The following DOCK3 variants were observed in gnomAD, a reference collection of about 807,000 sequenced individuals.
DOCK3 encodes the protein dedicator of cytokinesis 3.
A neutral mutation model predicts 265.6 loss-of-function variants in DOCK3; 60 were observed. The observed-to-expected ratio is 0.23, with a 90% confidence interval of 0.18 to 0.28. The LOEUF is 0.28. Among genes scored for constraint, DOCK3 ranks in the 10% least tolerant of loss-of-function variants. DOCK3 has a pLI of 1.00. For synonymous variants in DOCK3, 881 were observed against 938.0 expected, an observed-to-expected ratio of 0.94 and a Z score of 1.11; for missense variants, 1,981 against 2,594.3, an observed-to-expected ratio of 0.76 and a Z score of 5.14.
At chr3:50,752,792 C>T (rs527485343) in intron 1 of DOCK3, among the ~76,000 whole-genome samples, 7 of 152,222 alleles carry the variant, frequency 4.6e-5, no homozygotes, top group African/African-American at 1.4e-4. Flanking sequence ...AACAAACAAA[C>T]ACCCCTACTT....
intron 2 of DOCK3, among the ~76,000 whole-genome samples, chr3:50,833,704 T>G (rs1048401946): frequency 9.9e-5 from 15 of 152,196 alleles, no homozygotes; most frequent in Non-Finnish European, 2.1e-4. Flanking sequence ...CTTTTATTGC[T>G]CTACACGTCA....
At chr3:51,180,273 T>C (rs2087213434) in intron 12 of DOCK3, among the ~76,000 whole-genome samples, 1 of 150,836 alleles carries the variant, frequency 6.6e-6, no homozygotes, top group Non-Finnish European at 1.5e-5. Context: ...CAAACTTGAA[T>C]TTGAGATCAT....
At chr3:51,146,032 C>G (rs1007213702) in intron 9 of DOCK3, among the ~76,000 whole-genome samples, 22 of 152,204 alleles carry the variant, frequency 1.4e-4, no homozygotes, top group African/African-American at 4.8e-4. Context: ...ACCTGCTGCT[C>G]ACCTGCTGTG....
chr3:50,842,961 T>G (rs961932988), intron 3 of DOCK3, among the ~76,000 whole-genome samples: 2 of 152,224 alleles, frequency 1.3e-5, no homozygotes, highest in African/African-American at 4.8e-5. Flanking sequence ...CCCACTATCT[T>G]ATTTCCAATA....
At chr3:51,308,377 G>T (rs1328328187) in intron 27 of DOCK3, among the ~76,000 whole-genome samples, 2 of 151,750 alleles carry the variant, frequency 1.3e-5, no homozygotes, top group Non-Finnish European at 2.9e-5. Context: ...CTTCCGCAGT[G>T]TTTGTGTCCC....
chr3:50,725,878 G>A (rs1397292278), intron 1 of DOCK3, among the ~76,000 whole-genome samples: 1 of 152,004 alleles, frequency 6.6e-6, no homozygotes, highest in Non-Finnish European at 1.5e-5. Context: ...AATATTTGAA[G>A]GCATATACAG....
chr3:50,968,475 G>T (rs2077098411), intron 5 of DOCK3, among the ~76,000 whole-genome samples: 1 of 151,946 alleles, frequency 6.6e-6, no homozygotes, highest in Non-Finnish European at 1.5e-5. Flanking sequence ...TATTTGTATA[G>T]TTTATTGTAG....
At chr3:51,020,350 C>T (rs1221416348) in intron 5 of DOCK3, among the ~76,000 whole-genome samples, 1 of 151,608 alleles carries the variant, frequency 6.6e-6, no homozygotes, top group Non-Finnish European at 1.5e-5. Context: ...GTTTGAGTTC[C>T]TTATAGATGG....
At chr3:50,981,188 A>G (rs1191523437) in intron 5 of DOCK3, among the ~76,000 whole-genome samples, 3 of 152,088 alleles carry the variant, frequency 2.0e-5, no homozygotes, top group African/African-American at 7.2e-5. Context: ...TTTATTTTTC[A>G]TTTCTTTATT....
chr3:51,208,813 C>G lies in DOCK3; in HGVS notation c.1077C>G (p.Asn359Lys). The G allele has an allele frequency of 6.2e-7, 1 of 1,612,276 alleles. No individual in the cohort carries two copies. The highest frequency in any genetic ancestry group is 8.5e-7 in the Non-Finnish European group (1 of 1,179,334). ...GTGAGTGGTCCCAGATCCACGAGAA[C>G]ATCATCCGAAAGTCCAGTGCCAAGT... ...NESEWSQIHE[N>K]IIRKSSAKYS... The change falls in exon 13 of 53, where the codon AAC (asparagine) becomes AAG (lysine). Residue 359 changes from asparagine to lysine, a missense_variant. Physicochemically the swap from Asn to Lys is moderately conservative, Grantham distance 94. Transcript: ENST00000266037.
chr3:50,782,249 T>C (rs1188949361), intron 2 of DOCK3, among the ~76,000 whole-genome samples: 1 of 151,860 alleles, frequency 6.6e-6, no homozygotes, highest in African/African-American at 2.4e-5. Flanking sequence ...CTACAGTGTT[T>C]AAGCATTCTT....
chr3:51,367,818 C>T (rs2087342070), intron 49 of DOCK3, among the ~76,000 whole-genome samples: 1 of 152,106 alleles, frequency 6.6e-6, no homozygotes, highest in African/African-American at 2.4e-5. Context: ...GAATATTGGC[C>T]CCCACTCTCT....
chr3:51,258,033 T>C (rs752831591), intron 22 of DOCK3, among the ~76,000 whole-genome samples: 4 of 152,188 alleles, frequency 2.6e-5, no homozygotes, highest in Non-Finnish European at 5.9e-5. Flanking sequence ...TTCTCTGACA[T>C]CAGCCTTGTG....
intron 1 of DOCK3, among the ~76,000 whole-genome samples, chr3:50,689,488 C>T (rs2107724138): frequency 6.6e-6 from 1 of 152,264 alleles, no homozygotes; most frequent in South Asian, 2.1e-4. Context: ...GAGAACTCAC[C>T]ATCACATCTT....
In DOCK3 at chr3:51,009,225, C is replaced by T. The variant is rs1005728326; in HGVS notation, c.316-55223C>T. 1.1e-4 allele frequency among the ~76,000 whole-genome samples: 16 copies of T among 152,222 alleles called. No individual in the cohort carries two copies. In the South Asian group the frequency reaches 2.9e-3, roughly 28 times the overall value. On this transcript the variant is annotated intron_variant, in intron 5 of 52. Transcript: ENST00000266037. Reference sequence around the variant, plus strand: ...TCGTCTTTGTACCTCTCATAGAATTCGGCTGTGAACCCATCTGGTCCTGGA... The same window carrying T: ...TCGTCTTTGTACCTCTCATAGAATTTGGCTGTGAACCCATCTGGTCCTGGA...
At chr3:51,265,654 T>C (rs1262422132) in intron 23 of DOCK3, among the ~76,000 whole-genome samples, 1 of 152,198 alleles carries the variant, frequency 6.6e-6, no homozygotes, top group Non-Finnish European at 1.5e-5. Flanking sequence ...TCAACATCAC[T>C]TCATGCTAAA....
At chr3:51,162,847 A>G (rs1449133506) in intron 12 of DOCK3, among the ~76,000 whole-genome samples, 1 of 152,210 alleles carries the variant, frequency 6.6e-6, no homozygotes, top group Non-Finnish European at 1.5e-5. Flanking sequence ...GTAGTTCTAA[A>G]AAGATGAAAA....
chr3:51,308,585 C>T (rs369239840), intron 27 of DOCK3, among the ~76,000 whole-genome samples: 29 of 152,286 alleles, frequency 1.9e-4, no homozygotes, highest in East Asian at 5.8e-4. Flanking sequence ...TTTCTTAGTA[C>T]AGAACAAAAT....
intron 13 of DOCK3, 100 bp downstream of exon 13, chr3:51,208,962 A>G (rs1259172505): frequency 6.1e-6 from 6 of 989,204 alleles, no homozygotes; most frequent in South Asian, 3.4e-5. Flanking sequence ...TGTATTCCCT[A>G]CAGATATTTA....
Sources: allele counts gnomAD v4.1 joint callset (sites outside exome capture counted in the v4.1 genomes callset), GRCh38; gene constraint gnomAD v4.1.1; transcripts MANE v1.5; gene names NCBI Gene and HGNC (gene_info 2026-07-23, HGNC 2026-07-21).